SERPINB9: variants seen among roughly 807,000 people sequenced by gnomAD.
SERPINB9 encodes serpin B9.
Under a neutral mutation model 27.2 loss-of-function variants are expected in SERPINB9, and 20 were observed. The observed-to-expected ratio is 0.74, with a 90% CI of 0.52 to 1.07. The LOEUF is 1.07. SERPINB9 is among the 50% of genes least tolerant of loss of function. The pLI is 0.00. For synonymous variants in SERPINB9, 189 were observed against 180.0 expected, an observed-to-expected ratio of 1.05 and a Z score of -0.40; for missense variants, 476 against 460.1, an observed-to-expected ratio of 1.03 and a Z score of -0.32.
At chr6:2,901,822 T>C (rs539032830) in intron 1 of SERPINB9, among the ~76,000 whole-genome samples, 39 of 151,010 alleles carry the variant, frequency 2.6e-4, no homozygotes, top group African/African-American at 9.3e-4. Flanking sequence ...CTCCCGAGCC[T>C]CTGGTCTCCC....
intron 1 of SERPINB9, among the ~76,000 whole-genome samples, chr6:2,901,893 G>T (rs1324915657): frequency 6.6e-6 from 1 of 151,920 alleles, no homozygotes; most frequent in Admixed American, 6.6e-5. Context: ...CACGCAAAGC[G>T]CTGGAGAGCC....
chr6:2,900,017 G>A, intron 2 of SERPINB9: 1 of 446,646 alleles, frequency 2.2e-6, no homozygotes. Flanking sequence ...TTCTGTTGAT[G>A]CCCTCCCTGA....
rs1172332594 is a variant in SERPINB9, at chr6:2,903,154, T to TC, written c.-11+46dup. The TC allele has an allele frequency of 6.6e-6, 1 of 151,760 alleles. No homozygotes were observed. Among genetic ancestry groups the TC allele is most frequent in the Non-Finnish European group, 1.5e-5 (1 of 68,036 alleles). The allele number at this position is 151,760 out of a possible 1,614,324, so 9.4% of individuals were successfully genotyped here. On this transcript the variant is annotated intron_variant, in intron 1 of 6. Coordinates refer to ENST00000380698, the MANE Select transcript of SERPINB9 (RefSeq NM_004155.6). This position sits in a 1 kb window ranked among gnomAD's most constrained non-coding sequence, Gnocchi z 5.2. ...CGGTGGCAGCCGGTGGACCTGAAGC[T>TC]CGCCACTCCCGTCCCCTACCCCAGC... is the stretch of plus-strand genomic sequence containing the variant.
At position 2,891,759 on chromosome 6, in the gene SERPINB9, A is replaced by G; in HGVS notation, c.723+74T>C. The G allele has an allele frequency of 6.7e-7, 1 of 1,487,752 alleles. No homozygotes were observed. The highest frequency in any genetic ancestry group is 1.3e-5 in the South Asian group (1 of 78,052). The allele number at this position is 1,487,752 out of a possible 1,614,324, so 92.2% of individuals were successfully genotyped here. On this transcript the variant is annotated intron_variant, in intron 6 of 6. Transcript: ENST00000380698. This position sits in a 1 kb window ranked among gnomAD's most constrained non-coding sequence, Gnocchi z 4.0. The stretch of plus-strand genomic sequence containing the variant: ...CGCATCGCCAACTCAGAAGGTGAAT[A>G]TGAGAGGTGGAAGTGGCACTCGAGT...
intron 2 of SERPINB9, among the ~76,000 whole-genome samples, chr6:2,899,345 A>C (rs529681636): frequency 6.6e-6 from 1 of 152,326 alleles, no homozygotes; most frequent in Non-Finnish European, 1.5e-5. Context: ...ACTATCACAA[A>C]GGACTCTAAA....
In SERPINB9 at chr6:2,890,278, GCAACTA is replaced by G; in HGVS notation, c.1010_1015del (p.Val337_Val338del). 6.2e-7 allele frequency: 1 copy of G among 1,614,204 alleles called. No individual in the cohort carries two copies. The highest frequency in any genetic ancestry group is 1.1e-5 in the South Asian group (1 of 91,080). On this transcript the variant is annotated inframe_deletion, in exon 7 of 7. Coordinates refer to ENST00000380698, the MANE Select transcript of SERPINB9 (RefSeq NM_004155.6). This position sits in a 1 kb window ranked among gnomAD's most constrained non-coding sequence, Gnocchi z 6.2. ...GGGGCCAGATTCCATGCAGCACTCT[GCAACTA>G]CAAAGCAGCTCGACGCTGCCGCTGC...
chr6:2,893,287 C>G (rs1050544300), intron 5 of SERPINB9, 124 bp downstream of exon 5: 18 of 843,906 alleles, frequency 2.1e-5, no homozygotes, highest in Non-Finnish European at 3.0e-5. Flanking sequence ...GAAATTCATT[C>G]AGAAATACTT....
At position 2,900,603 on chromosome 6, in the gene SERPINB9, A is replaced by G. The variant is rs1320449204; in HGVS notation, c.9T>C (p.Thr3=). 3 of 1,613,976 alleles carry G rather than the reference A, an allele frequency of 1.9e-6. No homozygotes were observed. The highest frequency in any genetic ancestry group is 2.5e-6 in the Non-Finnish European group (3 of 1,180,002). The change falls in exon 2 of 7, where the codon ACT becomes ACC. Residue 3 remains threonine (T), a synonymous_variant. Transcript: ENST00000380698. The stretch of plus-strand genomic sequence containing the variant: ...CAAAAGTACCACTTGCATTAGAAAG[A>G]GTTTCCATGATGCAGGGCCTGGAAG... ME[T]LSNASGTFAI...
chr6:2,898,830 A>G (rs755806858), intron 2 of SERPINB9, among the ~76,000 whole-genome samples: 5 of 151,930 alleles, frequency 3.3e-5, no homozygotes, highest in Non-Finnish European at 1.5e-5. Flanking sequence ...AAAAAAAAGA[A>G]ATAGGACTGG....
intron 4 of SERPINB9, among the ~76,000 whole-genome samples, chr6:2,895,073 A>G (rs1043940734): frequency 6.6e-6 from 1 of 152,170 alleles, no homozygotes. Context: ...TGACATTTGT[A>G]TCAGCTACTC....
chr6:2,896,771 A>G (rs1312161700), intron 2 of SERPINB9, among the ~76,000 whole-genome samples: 3 of 152,270 alleles, frequency 2.0e-5, no homozygotes, highest in Non-Finnish European at 4.4e-5. Flanking sequence ...TAAAATGCCA[A>G]CAAAATGAAA....
chr6:2,902,233 G>T (rs1768229670), intron 1 of SERPINB9, among the ~76,000 whole-genome samples: 1 of 152,070 alleles, frequency 6.6e-6, no homozygotes. Context: ...CAAACACCGC[G>T]GCCCGGAGGC....
chr6:2,893,367 A>C, intron 5 of SERPINB9, 44 bp downstream of exon 5: 1 of 1,574,348 alleles, frequency 6.4e-7, no homozygotes, highest in Non-Finnish European at 8.6e-7. Flanking sequence ...CTTTCCATTC[A>C]ACTTCTTCAT....
Position 2,890,710 on chromosome 6 carries a change from A to G in SERPINB9, c.724-140T>C, listed in dbSNP as rs1767770416. On this transcript the variant is annotated intron_variant, in intron 6 of 6. Transcript: ENST00000380698. The surrounding 1 kb of genome is among the most constrained non-coding windows in gnomAD (Gnocchi z 6.2). Reference sequence around the variant, plus strand: ...ATCAGTGGCCCCTTCATCTGCCAGAAGCTTGTGAGCACTCTTACTTGTCCT... The same window carrying G: ...ATCAGTGGCCCCTTCATCTGCCAGAGGCTTGTGAGCACTCTTACTTGTCCT... 1.3e-6 allele frequency: 1 copy of G among 771,026 alleles called. No individual in the cohort carries two copies. The highest frequency in any genetic ancestry group is 1.8e-5 in the South Asian group (1 of 54,358). 47.8% of individuals were successfully genotyped at this position (771,026 alleles called of 1,614,324 possible). A position where few individuals can be genotyped will look rare whatever the true frequency, so the allele number is the denominator to read the frequency against.
rs778932913 is a variant in SERPINB9 at position 2,890,387 on chromosome 6, T to C, written c.907A>G (p.Met303Val). The C allele has an allele frequency of 2.0e-5, 33 of 1,614,102 alleles. No homozygotes were observed. Among genetic ancestry groups the C allele is most frequent in the Admixed American group, 5.0e-5 (3 of 60,010 alleles). The change falls in exon 7 of 7, where the codon ATG (methionine) becomes GTG (valine). Residue 303 changes from methionine (M) to valine (V), a missense_variant. Transcript: ENST00000380698. This position sits in a 1 kb window ranked among gnomAD's most constrained non-coding sequence, Gnocchi z 6.2. Reference sequence around the variant, plus strand: ...AGACACAGGTCTCTCTCCGCTGACATTGCCGACAAGTCAGCCTTGCCCTGT... The same window carrying C: ...AGACACAGGTCTCTCTCCGCTGACACTGCCGACAAGTCAGCCTTGCCCTGT... The part of the protein sequence containing the change: ...FQQGKADLSA[M>V]SAERDLCLSK...
intron 4 of SERPINB9, 35 bp downstream of exon 4, chr6:2,895,356 G>C (rs769708752): frequency 1.4e-6 from 2 of 1,413,276 alleles, no homozygotes; most frequent in Non-Finnish European, 2.0e-6. Context: ...AGGAGGACGG[G>C]TTGGGAGGAA....
Position 2,894,760 on chromosome 6 carries a change from T to G in SERPINB9, c.424+631A>C, listed in dbSNP as rs1301866508. On this transcript the variant is annotated intron_variant, in intron 4 of 6. Transcript: ENST00000380698. This position sits in a 1 kb window ranked among gnomAD's most constrained non-coding sequence, Gnocchi z 4.7. ...GGCCTGAGATTCTTTTGACATTTGT[T>G]TTTTTGTTTGTTTTTTGTTTTTGAG... Among the ~76,000 whole-genome samples the G allele has an allele frequency of 6.6e-6, 1 of 152,166 alleles. No individual in the cohort carries two copies. Among genetic ancestry groups the G allele is most frequent in the African/African-American group, 2.4e-5 (1 of 41,436 alleles).
rs1051688587 is a variant in SERPINB9, at chr6:2,889,978, T to G, written c.*185A>C. 6.0e-6 allele frequency: 3 copies of G among 502,938 alleles called. No individual in the cohort carries two copies. The highest frequency in any genetic ancestry group is 1.0e-5 in the Non-Finnish European group (3 of 288,554). 31.2% of individuals were successfully genotyped at this position (502,938 alleles called of 1,614,324 possible). A position where few individuals can be genotyped will look rare whatever the true frequency, so the allele number is the denominator to read the frequency against. On this transcript the variant is annotated 3_prime_UTR_variant, in exon 7 of 7. Transcript: ENST00000380698. ...ATTATGGTCTATTTTCTCAAGATTCTGATTAAGTAGCATAAGCGAGTGTGG... is the reference window on the plus strand; with the variant it reads ...ATTATGGTCTATTTTCTCAAGATTCGGATTAAGTAGCATAAGCGAGTGTGG...
chr6:2,902,540 G>A (rs1457799128), intron 1 of SERPINB9, among the ~76,000 whole-genome samples: 1 of 152,086 alleles, frequency 6.6e-6, no homozygotes, highest in Non-Finnish European at 1.5e-5. Flanking sequence ...TTTGTTTTGA[G>A]ACGAAGTCTC....
Sources: allele counts gnomAD v4.1 joint callset (sites outside exome capture counted in the v4.1 genomes callset), GRCh38; gene constraint gnomAD v4.1.1; non-coding constraint Gnocchi (gnomAD v3.1); transcripts MANE v1.5; gene names NCBI Gene and HGNC (gene_info 2026-07-23, HGNC 2026-07-21).